CNTNAP3B: variants seen among roughly 807,000 people sequenced by gnomAD.
The protein encoded by CNTNAP3B is contactin associated protein family member 3B.
A neutral mutation model predicts 108.9 loss-of-function variants in CNTNAP3B; 25 were observed. The ratio of observed to expected loss-of-function variants is 0.23; its 90% confidence interval spans 0.17 to 0.32. The LOEUF is 0.32. Among genes scored for constraint, CNTNAP3B ranks in the 10% least tolerant of loss-of-function variants. CNTNAP3B has a pLI of 1.00. For synonymous variants in CNTNAP3B, 103 were observed against 473.4 expected, an observed-to-expected ratio of 0.22 and a Z score of 10.16; for missense variants, 252 against 1,210.4, an observed-to-expected ratio of 0.21 and a Z score of 11.75.
Position 41,964,582 on chromosome 9 carries a change from CAGG to C in CNTNAP3B, c.1709_1711del (p.Ser570del), listed in dbSNP as rs1825209030. 6.5e-7 allele frequency: 1 copy of C among 1,549,992 alleles called. No individual in the cohort carries two copies. The highest frequency in any genetic ancestry group is 8.7e-7 in the Non-Finnish European group (1 of 1,147,772). On this transcript the variant is annotated inframe_deletion, in exon 11 of 24. Coordinates refer to ENST00000377561, the MANE Select transcript of CNTNAP3B (RefSeq NM_001201380.3). ...CGTATAGCCTGTGCCTAGACAGTCA[CAGG>C]AGAAGGTGTCCCACGACTGGGAACA... is the stretch of plus-strand genomic sequence containing the variant.
At chr9:42,073,820 AGATGTT>A (rs1827425934) in intron 3 of CNTNAP3B, among the ~76,000 whole-genome samples, 1 of 149,368 alleles carries the variant, frequency 6.7e-6, no homozygotes, top group Non-Finnish European at 1.5e-5. Context: ...TATGTCCCTG[AGATGTT>A]GATGTAGCAG....
At chr9:41,944,548 T>C (rs879391317) in intron 13 of CNTNAP3B, among the ~76,000 whole-genome samples, 2,078 of 151,834 alleles carry the variant, frequency 0.014, 5 homozygotes, top group African/African-American at 0.034. Context: ...ATGTAATTAA[T>C]ATTCTAGGAG....
chr9:42,103,418 TA>T (rs1156658774), intron 2 of CNTNAP3B, among the ~76,000 whole-genome samples: 743 of 47,682 alleles, frequency 0.016, 4 homozygotes, highest in Non-Finnish European at 0.017. Context: ...AACAGGGAGT[TA>T]AAAAAAAAAA....
rs1320775912 is a variant in CNTNAP3B, at chr9:41,964,798, T to C, written c.1650-154A>G. 3.9e-5 allele frequency among the ~76,000 whole-genome samples: 6 copies of C among 152,370 alleles called. No individual in the cohort carries two copies. In the East Asian group the frequency reaches 7.7e-4, roughly 20 times the overall value. The stretch of plus-strand genomic sequence containing the variant: ...CTGCCATCAAGGTTCTCTAATTATA[T>C]TGACAAACTTTAGATAAATATATCC... On this transcript the variant is annotated intron_variant, in intron 10 of 23. Transcript: ENST00000377561.
At chr9:42,111,889 A>C (rs1273855382) in intron 1 of CNTNAP3B, among the ~76,000 whole-genome samples, 1 of 138,154 alleles carries the variant, frequency 7.2e-6, no homozygotes, top group African/African-American at 2.9e-5. Context: ...CCACACACAC[A>C]CCTTACATAT....
chr9:42,055,469 G>C (rs965578893), intron 3 of CNTNAP3B, among the ~76,000 whole-genome samples: 2 of 144,726 alleles, frequency 1.4e-5, no homozygotes, highest in African/African-American at 2.7e-5. Flanking sequence ...CACTGAAAGA[G>C]AACTGTACTA....
chr9:42,061,311 C>G (rs959097925), intron 3 of CNTNAP3B, among the ~76,000 whole-genome samples: 1 of 93,116 alleles, frequency 1.1e-5, no homozygotes, highest in Non-Finnish European at 2.2e-5. Flanking sequence ...TCTGAATTTT[C>G]TTTTTCTTTT....
intron 17 of CNTNAP3B, among the ~76,000 whole-genome samples, chr9:41,921,400 T>C (rs1418690422): frequency 2.4e-4 from 36 of 151,974 alleles, no homozygotes; most frequent in Admixed American, 2.2e-3. Flanking sequence ...GAAGTCATGG[T>C]ATAACACCCC....
chr9:42,123,484 G>A (rs1486151649), intron 1 of CNTNAP3B, among the ~76,000 whole-genome samples: 1 of 128,128 alleles, frequency 7.8e-6, no homozygotes, highest in Non-Finnish European at 1.6e-5. Flanking sequence ...TAATTCAACT[G>A]TTTGTTCAGT....
Position 42,111,144 on chromosome 9 carries a change from G to T in CNTNAP3B, c.86-6405C>A, listed in dbSNP as rs1828186260. Among the ~76,000 whole-genome samples, 2 of 138,832 alleles carry T rather than the reference G, an allele frequency of 1.4e-5. 1 individual carries two copies. The highest frequency in any genetic ancestry group is 3.1e-5 in the Non-Finnish European group (2 of 64,854). The allele number at this position is 138,832 out of a possible 152,430, so 91.1% of individuals were successfully genotyped here. ...ATGTCATGCCTGTCCTACTGGAAAGGACTGGTTCCAGGATGGTCAGGAAGC... is the reference window on the plus strand; with the variant it reads ...ATGTCATGCCTGTCCTACTGGAAAGTACTGGTTCCAGGATGGTCAGGAAGC... On this transcript the variant is annotated intron_variant, in intron 1 of 23. Transcript: ENST00000377561.
intron 13 of CNTNAP3B, among the ~76,000 whole-genome samples, chr9:41,943,509 C>G (rs533609182): frequency 6.6e-6 from 1 of 151,954 alleles, no homozygotes; most frequent in African/African-American, 2.4e-5. Flanking sequence ...CCTGCCACCA[C>G]GCCCAGCTAA....
intron 1 of CNTNAP3B, among the ~76,000 whole-genome samples, chr9:42,126,945 T>C (rs1828584875): frequency 1.4e-5 from 2 of 138,586 alleles, no homozygotes; most frequent in African/African-American, 2.9e-5. Context: ...AATGTGCTTC[T>C]GGAAAACCAG....
intron 17 of CNTNAP3B, among the ~76,000 whole-genome samples, chr9:41,921,104 C>T (rs1354221176): frequency 6.6e-6 from 1 of 152,306 alleles, no homozygotes; most frequent in East Asian, 1.9e-4. Flanking sequence ...TTCGGTGGGC[C>T]TAAGGTGGGG....
chr9:41,942,349 G>A (rs1226691685), intron 13 of CNTNAP3B, among the ~76,000 whole-genome samples: 1 of 152,274 alleles, frequency 6.6e-6, no homozygotes, highest in Non-Finnish European at 1.5e-5. Flanking sequence ...GGTGGCTCAA[G>A]CCTGTAATCC....
intron 15 of CNTNAP3B, among the ~76,000 whole-genome samples, chr9:41,926,233 T>A (rs1449719171): frequency 1.3e-5 from 2 of 152,204 alleles, no homozygotes; most frequent in Non-Finnish European, 2.9e-5. Context: ...TTTTTACATA[T>A]TTGCTCATTC....
intron 13 of CNTNAP3B, among the ~76,000 whole-genome samples, chr9:41,940,451 G>T (rs1395118212): frequency 6.6e-6 from 1 of 152,306 alleles, no homozygotes; most frequent in African/African-American, 2.4e-5. Context: ...TTTTTTTTCA[G>T]GGCTGATAGA....
At chr9:42,035,961 AGCTGG>A (rs1388845284) in intron 3 of CNTNAP3B, among the ~76,000 whole-genome samples, 1 of 142,002 alleles carries the variant, frequency 7.0e-6, no homozygotes, top group African/African-American at 2.7e-5. Context: ...TATAAAAATT[AGCTGG>A]GCATGGTGGC....
At chr9:41,965,178 A>G (rs1221005348) in intron 10 of CNTNAP3B, among the ~76,000 whole-genome samples, 26 of 152,404 alleles carry the variant, frequency 1.7e-4, no homozygotes, top group African/African-American at 6.0e-4. Context: ...AACACTGGTA[A>G]TATGTCAATA....
chr9:41,934,100 C>CATACATATATATATATATATATATAT (rs1564148239), intron 14 of CNTNAP3B, among the ~76,000 whole-genome samples: 1 of 90,224 alleles, frequency 1.1e-5, no homozygotes, highest in Admixed American at 1.3e-4. Context: ...ATATTTGTTA[C>CATACATATATATATATATATATATAT]ATATATATAT....
Sources: allele counts gnomAD v4.1 joint callset (sites outside exome capture counted in the v4.1 genomes callset), GRCh38; gene constraint gnomAD v4.1.1; transcripts MANE v1.5; gene names NCBI Gene and HGNC (gene_info 2026-07-23, HGNC 2026-07-21).